PLOD3: variants seen among roughly 807,000 people sequenced by gnomAD.
The protein encoded by PLOD3 is procollagen-lysine,2-oxoglutarate 5-dioxygenase 3, also known as multifunctional procollagen lysine hydroxylase and glycosyltransferase LH3.
PLOD3 carries 73 observed loss-of-function variants against 96.9 expected under a neutral mutation model. The ratio of observed to expected loss-of-function variants is 0.75; its 90% confidence interval spans 0.62 to 0.92. PLOD3 has a LOEUF of 0.92. PLOD3 is among the 40% of genes least tolerant of loss of function. The pLI, the probability that PLOD3 is intolerant of heterozygous loss-of-function variation, is 0.00. For synonymous variants in PLOD3, 454 were observed against 413.7 expected (o/e 1.10, Z -1.18); for missense variants, 1,004 against 1,004.3 (o/e 1.00, Z 0.00).
Position 101,206,785 on chromosome 7 carries a change from G to C in PLOD3, c.2055C>G (p.Asp685Glu). The stretch of plus-strand genomic sequence containing the variant: ...TAGTGTGACTGGGGCGCACCTCATA[G>C]TCCAGGCCCTTGTGGTTGAGGGCAA... ...LNVALNHKGL[D>E]YEGGGCRFLR... is the part of the protein sequence containing the mutation. The change falls in exon 18 of 19, where the codon GAC (aspartate) becomes GAG (glutamate). Residue 685 changes from aspartate (D) to glutamate (E), a missense_variant. Physicochemically the swap from Asp to Glu is conservative, Grantham distance 45. Coordinates refer to ENST00000223127, the MANE Select transcript of PLOD3 (RefSeq NM_001084.5). 2.5e-6 allele frequency: 4 copies of C among 1,583,498 alleles called. No homozygotes were observed. The highest frequency in any genetic ancestry group is 3.4e-6 in the Non-Finnish European group (4 of 1,164,624).
At chr7:101,207,284 G>T (rs111369829) in intron 17 of PLOD3, among the ~76,000 whole-genome samples, 1,990 of 152,106 alleles carry the variant, frequency 0.013, 38 homozygotes, top group East Asian at 0.086. Context: ...CCATCGCAGG[G>T]TGTCTTCAGG....
chr7:101,217,132 C>A, intron 1 of PLOD3, 34 bp downstream of exon 1: 1 of 1,444,822 alleles, frequency 6.9e-7, no homozygotes, highest in Non-Finnish European at 9.1e-7. Flanking sequence ...AGCCTCTGCC[C>A]CCTCGGCCGT....
At position 101,216,290 on chromosome 7, in the gene PLOD3, C is replaced by G. The variant is rs749733665; in HGVS notation, c.375G>C (p.Leu125=). The G allele has an allele frequency of 6.2e-7, 1 of 1,613,478 alleles. No homozygotes were observed. The highest frequency in any genetic ancestry group is 8.5e-7 in the Non-Finnish European group (1 of 1,180,030). The change falls in exon 4 of 19, where the codon CTG becomes CTC. Residue 125 remains leucine, a synonymous_variant. Transcript: ENST00000223127. ...DVILAGSPTE[L]LKKFVQSGSR... ...TGCCACTCTGGACGAACTTCTTCAGCAGCTCTGTGGGGCTGCCGGCCAGAA... is the reference window on the plus strand; with the variant it reads ...TGCCACTCTGGACGAACTTCTTCAGGAGCTCTGTGGGGCTGCCGGCCAGAA...
At position 101,216,533 on chromosome 7, in the gene PLOD3, C is replaced by G; in HGVS notation, c.215G>C (p.Gly72Ala). Reference protein sequence around the residue: ...FNYTVRTLGLGEEWRGGDVAR... With the variant: ...FNYTVRTLGLAEEWRGGDVAR... ...CACATCACCCCCTCGCCACTCCTCT[C>G]CCAGGCCCAGGGTCTGTGGAGAAGA... The change falls in exon 3 of 19, where the codon GGA becomes GCA. Residue 72 changes from glycine to alanine, a missense_variant. Around this residue, in one of 5 missense-constraint regions of PLOD3, gnomAD observed 690 missense variants for 650.2 expected, o/e 1.06. Coordinates refer to ENST00000223127, the MANE Select transcript of PLOD3 (RefSeq NM_001084.5). 6 of 1,614,150 alleles carry G rather than the reference C, an allele frequency of 3.7e-6. No individual in the cohort carries two copies. Among genetic ancestry groups the G allele is most frequent in the Middle Eastern group, 3.3e-4 (2 of 6,062 alleles).
rs559832568 is a variant in PLOD3 at position 101,213,586 on chromosome 7, G to A, written c.680-382C>T. The A allele has an allele frequency of 1.2e-4, 28 of 234,330 alleles. No homozygotes were observed. In the East Asian group the frequency reaches 2.8e-3, roughly 24 times the overall value. The allele number at this position is 234,330 out of a possible 1,614,324, so 14.5% of individuals were successfully genotyped here. The stretch of plus-strand genomic sequence containing the variant: ...GGCTGGAGTGCAATGGCGTGGTCTC[G>A]GCTCACTGCAACCTCTGCCTCCTGA... On this transcript the variant is annotated intron_variant, in intron 6 of 18. Transcript: ENST00000223127.
In PLOD3 at chr7:101,206,340, C is replaced by T. The variant is rs768681053; in HGVS notation, c.2158G>A (p.Glu720Lys). 8.7e-6 allele frequency: 14 copies of T among 1,613,842 alleles called. No individual in the cohort carries two copies. The highest frequency in any genetic ancestry group is 1.6e-4 in the Middle Eastern group (1 of 6,084). The change falls in exon 19 of 19, where the codon GAG becomes AAG. Residue 720 changes from glutamate (E) to lysine (K), a missense_variant. Around this residue, in one of 5 missense-constraint regions of PLOD3, gnomAD observed 222 missense variants for 220.4 expected, o/e 1.01. Coordinates refer to ENST00000223127, the MANE Select transcript of PLOD3 (RefSeq NM_001084.5). ...LHPGRLTHYHEGLPTTWGTRY... is the reference protein window; with the variant it reads ...LHPGRLTHYHKGLPTTWGTRY... Reference sequence around the variant, plus strand: ...GTGCCCCAGGTCGTTGGCAGCCCCTCGTGGTAGTGGGTGAGGCGGCCGGGG... The same window carrying T: ...GTGCCCCAGGTCGTTGGCAGCCCCTTGTGGTAGTGGGTGAGGCGGCCGGGG...
chr7:101,207,782 G>A (rs1798112990), intron 16 of PLOD3, 58 bp from the exon 17 acceptor site: 1 of 1,597,124 alleles, frequency 6.3e-7, no homozygotes, highest in African/African-American at 1.3e-5. Context: ...CCCCACCCCA[G>A]GGCAGTCCAG....
chr7:101,210,795 C>T, intron 12 of PLOD3, 122 bp from the exon 13 acceptor site: 1 of 1,106,050 alleles, frequency 9.0e-7, no homozygotes, highest in Non-Finnish European at 1.3e-6. Flanking sequence ...CCCTGCATGT[C>T]CCTTGTCAAG....
Position 101,212,588 on chromosome 7 carries a change from T to C in PLOD3, c.947A>G (p.Gln316Arg). The C allele has an allele frequency of 1.9e-6, 3 of 1,613,630 alleles. No homozygotes were observed. Among genetic ancestry groups the C allele is most frequent in the Non-Finnish European group, 2.5e-6 (3 of 1,179,832 alleles). The change falls in exon 9 of 19, where the codon CAG becomes CGG. Residue 316 changes from glutamine (Q) to arginine (R), a missense_variant. This residue lies in a region of PLOD3 where 690 missense variants were observed against 650.2 expected (regional missense o/e 1.06). Coordinates refer to ENST00000223127, the MANE Select transcript of PLOD3 (RefSeq NM_001084.5). ...QPTPFLPRFL[Q>R]RLLLLDYPPD... is the part of the protein sequence containing the mutation. ...GGGATAGTCCAGGAGTAGCAGCCGC[T>C]GCAGGAAGCGGGGCAGAAACGGAGT...
intron 17 of PLOD3, among the ~76,000 whole-genome samples, 164 bp from the exon 18 acceptor site, chr7:101,207,068 C>T (rs572543041): frequency 4.7e-4 from 72 of 152,170 alleles, no homozygotes; most frequent in African/African-American, 1.6e-3. Context: ...CTCTGCCTCC[C>T]GGTTTCAAGC....
chr7:101,216,592 G>C (rs749031016), intron 2 of PLOD3, 46 bp from the exon 3 acceptor site: 43 of 1,612,502 alleles, frequency 2.7e-5, no homozygotes, highest in Non-Finnish European at 3.6e-5. Context: ...GGGGAGTTGT[G>C]GGGGGAACTC....
chr7:101,212,067 G>T, intron 10 of PLOD3, 117 bp from the exon 11 acceptor site: 1 of 1,030,902 alleles, frequency 9.7e-7, no homozygotes, highest in Non-Finnish European at 1.5e-6. Context: ...CCTTCCCCAG[G>T]CTCTCTGCTG....
In PLOD3 at chr7:101,217,481, G is replaced by A; in HGVS notation, c.-207C>T. 2 of 521,960 alleles carry A rather than the reference G, an allele frequency of 3.8e-6. No individual in the cohort carries two copies. The highest frequency in any genetic ancestry group is 3.2e-6 in the Non-Finnish European group (1 of 309,930). 32.3% of individuals were successfully genotyped at this position (521,960 alleles called of 1,614,324 possible). ...CAGATGCCGGCGCCACAGACAAGGC[G>A]AGGATTGTCCCGGGCGCACGGGAGG... On this transcript the variant is annotated 5_prime_UTR_variant, in exon 1 of 19. Transcript: ENST00000223127.
chr7:101,214,669 C>T (rs1798240172), intron 6 of PLOD3, among the ~76,000 whole-genome samples: 1 of 151,992 alleles, frequency 6.6e-6, no homozygotes, highest in African/African-American at 2.4e-5. Context: ...GAAACCCTGT[C>T]TCTACTAAAA....
intron 16 of PLOD3, chr7:101,208,490 C>T (rs1410387241): frequency 5.7e-6 from 2 of 348,192 alleles, no homozygotes; most frequent in African/African-American, 4.3e-5. Context: ...ATCCACCTGC[C>T]TCGGCCTCCC....
In PLOD3 at chr7:101,210,701, G is replaced by T. The variant is rs2214708; in HGVS notation, c.1359-28C>A. On this transcript the variant is annotated intron_variant, in intron 12 of 18. Transcript: ENST00000223127. ...GGAGGCACCGACACCGCGGTCAGCT[G>T]GGAGGACAGCCCCCCAAATTCTGCC... 1.9e-3 allele frequency: 2,987 copies of T among 1,612,356 alleles called. 53 individuals carry two copies. The Admixed American group carries it at 0.029, about 15-fold the overall frequency.
At chr7:101,211,563 C>T (rs771106514) in intron 12 of PLOD3, 28 bp downstream of exon 12, 8 of 1,591,678 alleles carry the variant, frequency 5.0e-6, no homozygotes, top group Admixed American at 1.8e-5. Context: ...TCGGAGGAGG[C>T]GGGGGGCTGC....
intron 1 of PLOD3, 150 bp downstream of exon 1, chr7:101,217,016 G>C (rs1798288180): frequency 2.1e-6 from 2 of 932,548 alleles, no homozygotes; most frequent in East Asian, 5.3e-5. Flanking sequence ...GTAGTGATGG[G>C]CGAGGGGCTT....
intron 3 of PLOD3, 28 bp from the exon 4 acceptor site, chr7:101,216,354 G>C (rs1798273168): frequency 6.2e-7 from 1 of 1,613,418 alleles, no homozygotes; most frequent in South Asian, 1.1e-5. Flanking sequence ...GGATGGGCAG[G>C]GGTCCACTGG....
Sources: gnomAD v4.1 joint callset for allele counts (sites outside exome capture counted in the v4.1 genomes callset) on GRCh38, gnomAD v4.1.1 for gene constraint, gnomAD v4.1.1 regional missense constraint, MANE v1.5 for transcripts, NCBI Gene and HGNC (gene_info 2026-07-23, HGNC 2026-07-21) for gene names.